ADAMTS19: variants seen among roughly 807,000 people sequenced by gnomAD.
ADAMTS19 encodes ADAM metallopeptidase with thrombospondin type 1 motif 19, also known as A disintegrin and metalloproteinase with thrombospondin motifs 19.
A neutral mutation model predicts 153.3 loss-of-function variants in ADAMTS19; 93 were observed. The observed-to-expected ratio is 0.61, with a 90% CI of 0.51 to 0.72. ADAMTS19 has a LOEUF of 0.72. Ranked by LOEUF, ADAMTS19 falls within the 30% of genes least tolerant of loss-of-function variation. The probability of loss-of-function intolerance (pLI) is 0.00; values close to 1 mark genes in which losing one functional copy is unlikely to be tolerated. For synonymous variants in ADAMTS19, 600 were observed against 556.6 expected (o/e 1.08, Z -1.10); for missense variants, 1,482 against 1,552.1 (o/e 0.95, Z 0.76).
At chr5:129,717,689 A>T (rs942437259) in intron 21 of ADAMTS19, among the ~76,000 whole-genome samples, 2 of 152,228 alleles carry the variant, frequency 1.3e-5, no homozygotes, top group Non-Finnish European at 2.9e-5. Context: ...CTACCTTAGA[A>T]AAGAAGTGGT....
chr5:129,680,752 A>C (rs111832555), intron 17 of ADAMTS19, among the ~76,000 whole-genome samples: 2,898 of 140,466 alleles, frequency 0.021, 73 homozygotes, highest in African/African-American at 0.07. Context: ...ACAGAGGGAG[A>C]CTCTGTCTCA....
At chr5:129,626,382 T>G (rs1037026332) in intron 10 of ADAMTS19, among the ~76,000 whole-genome samples, 1 of 152,170 alleles carries the variant, frequency 6.6e-6, no homozygotes, top group Admixed American at 6.5e-5. Context: ...TCTATTTATA[T>G]GATTATTTCC....
At position 129,620,211 on chromosome 5, in the gene ADAMTS19, GAT is replaced by G. The variant is rs371331891; in HGVS notation, c.1479-406_1479-405del. 2.1e-3 allele frequency among the ~76,000 whole-genome samples: 319 copies of G among 152,042 alleles called. 1 individual carries two copies. The highest frequency in any genetic ancestry group is 7.3e-3 in the African/African-American group (302 of 41,518). On this transcript the variant is annotated intron_variant, in intron 8 of 22. Coordinates refer to ENST00000274487, the MANE Select transcript of ADAMTS19 (RefSeq NM_133638.6). The stretch of plus-strand genomic sequence containing the variant: ...TAATGAGGTTTCAAATTTGGTAAAA[GAT>G]GTGTTTGTTTTCAAATCAAATTTTG...
intron 4 of ADAMTS19, 43 bp downstream of exon 4, chr5:129,526,499 C>T (rs566838559): frequency 6.5e-7 from 1 of 1,539,100 alleles, no homozygotes; most frequent in African/African-American, 1.4e-5. Context: ...TTCAAGAAAA[C>T]TCTAAGGAAG....
chr5:129,506,884 G>C (rs185844732), intron 2 of ADAMTS19, among the ~76,000 whole-genome samples: 261 of 151,774 alleles, frequency 1.7e-3, no homozygotes, highest in Non-Finnish European at 2.7e-3. Flanking sequence ...AAGGATATGT[G>C]TATTTTTAAA....
chr5:129,538,547 T>C (rs1260511263), intron 6 of ADAMTS19, among the ~76,000 whole-genome samples: 1 of 152,088 alleles, frequency 6.6e-6, no homozygotes, highest in Non-Finnish European at 1.5e-5. Context: ...GTTGCTAGCT[T>C]TCCCTAGCTA....
intron 8 of ADAMTS19, among the ~76,000 whole-genome samples, chr5:129,599,518 T>G (rs945375505): frequency 6.6e-6 from 1 of 152,204 alleles, no homozygotes; most frequent in Non-Finnish European, 1.5e-5. Context: ...AGTATATTTT[T>G]AAACCGATAT....
At chr5:129,463,886 G>A (rs937145612) in intron 2 of ADAMTS19, among the ~76,000 whole-genome samples, 2 of 152,228 alleles carry the variant, frequency 1.3e-5, no homozygotes, top group East Asian at 1.9e-4. Flanking sequence ...GGGCTCACAA[G>A]TTAAGAGAAA....
At chr5:129,552,785 C>G (rs116340667) in intron 7 of ADAMTS19, among the ~76,000 whole-genome samples, 1 of 151,834 alleles carries the variant, frequency 6.6e-6, no homozygotes, top group Admixed American at 6.6e-5. Flanking sequence ...GTTCCATTAA[C>G]CTAATTTTTC....
At chr5:129,644,799 T>C (rs1050446728) in intron 11 of ADAMTS19, among the ~76,000 whole-genome samples, 98 of 152,202 alleles carry the variant, frequency 6.4e-4, no homozygotes, top group African/African-American at 2.3e-3. Flanking sequence ...ACCAATTTAC[T>C]AGAACCTTAG....
At chr5:129,612,016 C>T (rs553092984) in intron 8 of ADAMTS19, among the ~76,000 whole-genome samples, 1 of 151,832 alleles carries the variant, frequency 6.6e-6, no homozygotes, top group Non-Finnish European at 1.5e-5. Context: ...GGTACATGTG[C>T]ACAATGTGCA....
chr5:129,689,602 T>C (rs909939462), intron 18 of ADAMTS19, among the ~76,000 whole-genome samples: 5 of 152,088 alleles, frequency 3.3e-5, no homozygotes, highest in Admixed American at 2.0e-4. Flanking sequence ...TTTTTTTGTA[T>C]TTTTAGTAGA....
chr5:129,501,547 G>C (rs759193405), intron 2 of ADAMTS19, among the ~76,000 whole-genome samples: 13 of 151,624 alleles, frequency 8.6e-5, no homozygotes, highest in Non-Finnish European at 1.5e-4. Flanking sequence ...ATTTTTTTTT[G>C]AAATAACACT....
chr5:129,572,686 C>A (rs1753955917), intron 7 of ADAMTS19, among the ~76,000 whole-genome samples: 1 of 151,834 alleles, frequency 6.6e-6, no homozygotes, highest in Admixed American at 6.6e-5. Flanking sequence ...ACTTACTGTA[C>A]AATTATATTT....
intron 21 of ADAMTS19, among the ~76,000 whole-genome samples, chr5:129,713,443 T>G (rs1205536655): frequency 1.3e-5 from 2 of 152,080 alleles, no homozygotes; most frequent in African/African-American, 2.4e-5. Flanking sequence ...TAGAAAGATA[T>G]CACATGAGGT....
chr5:129,522,332 C>CACAT (rs1309115957), intron 3 of ADAMTS19, among the ~76,000 whole-genome samples: 120 of 58,622 alleles, frequency 2.0e-3, no homozygotes, highest in African/African-American at 3.3e-3. Flanking sequence ...CACACACACA[C>CACAT]ATATATATAT....
chr5:129,632,818 G>A (rs932838556), intron 10 of ADAMTS19, among the ~76,000 whole-genome samples: 10 of 152,000 alleles, frequency 6.6e-5, no homozygotes, highest in African/African-American at 2.4e-4. Flanking sequence ...GTGCAAGATA[G>A]TCTCTTTATC....
chr5:129,602,555 G>T (rs1430684888), intron 8 of ADAMTS19, among the ~76,000 whole-genome samples: 1 of 152,036 alleles, frequency 6.6e-6, no homozygotes, highest in African/African-American at 2.4e-5. Context: ...TGTTATGATT[G>T]TCATTTTACA....
chr5:129,637,759 C>T (rs1205337891), intron 10 of ADAMTS19, among the ~76,000 whole-genome samples: 2 of 152,096 alleles, frequency 1.3e-5, no homozygotes, highest in Admixed American at 6.6e-5. Context: ...GCAAGAGAAT[C>T]GCTTGAACCC....
Sources: allele counts gnomAD v4.1 joint callset (sites outside exome capture counted in the v4.1 genomes callset), GRCh38; gene constraint gnomAD v4.1.1; transcripts MANE v1.5; gene names NCBI Gene and HGNC (gene_info 2026-07-23, HGNC 2026-07-21).